The following MAP3K3 variants were observed in gnomAD, a reference collection of about 807,000 sequenced individuals.
MAP3K3 encodes the protein mitogen-activated protein kinase kinase kinase 3.
A neutral mutation model predicts 80.9 loss-of-function variants in MAP3K3; 12 were observed. The observed-to-expected ratio is 0.15, with a 90% CI of 0.10 to 0.24. The LOEUF is 0.24. Among genes scored for constraint, MAP3K3 ranks in the 10% least tolerant of loss-of-function variants. The probability of loss-of-function intolerance (pLI) is 1.00; values close to 1 mark genes in which losing one functional copy is unlikely to be tolerated. For missense variants in MAP3K3, 596 were observed against 834.7 expected, an observed-to-expected ratio of 0.71 and a Z score of 3.52; for synonymous variants, 272 against 307.1, an observed-to-expected ratio of 0.89 and a Z score of 1.19.
At chr17:63,687,154 T>C (rs557164690) in intron 8 of MAP3K3, among the ~76,000 whole-genome samples, 1 of 147,562 alleles carries the variant, frequency 6.8e-6, no homozygotes, top group African/African-American at 2.5e-5. Context: ...TCACCTGAGG[T>C]CAGGAGTTTG....
At chr17:63,686,910 T>C (rs1447860780) in intron 8 of MAP3K3, among the ~76,000 whole-genome samples, 1 of 152,172 alleles carries the variant, frequency 6.6e-6, no homozygotes, top group African/African-American at 2.4e-5. Context: ...CTAGATCCAG[T>C]CCCAGCTCCA....
intron 2 of MAP3K3, among the ~76,000 whole-genome samples, chr17:63,637,696 C>G (rs547371404): frequency 1.3e-5 from 2 of 152,280 alleles, no homozygotes; most frequent in Admixed American, 6.5e-5. Flanking sequence ...ATTATCATTA[C>G]TGTTTATCTG....
chr17:63,630,389 A>G lies in MAP3K3; in HGVS notation c.5-2292A>G, dbSNP rs1424929434. ...GTCGCCCAGGCTGAAGTACAGTGGC[A>G]TGATCATGGCTCACTGCAGCCTCAA... On this transcript the variant is annotated intron_variant, in intron 1 of 15. Coordinates refer to ENST00000361733, the MANE Select transcript of MAP3K3 (RefSeq NM_002401.5). 3.3e-5 allele frequency among the ~76,000 whole-genome samples: 5 copies of G among 152,166 alleles called. No homozygotes were observed. The East Asian group carries it at 9.6e-4, about 29-fold the overall frequency.
At chr17:63,650,683 AG>A (rs2034634303) in intron 3 of MAP3K3, among the ~76,000 whole-genome samples, 2 of 147,416 alleles carry the variant, frequency 1.4e-5, no homozygotes, top group African/African-American at 5.2e-5. Flanking sequence ...AGAGAGAGAG[AG>A]AGAGAGAGAG....
chr17:63,670,170 A>T (rs2035075578), intron 6 of MAP3K3, among the ~76,000 whole-genome samples: 1 of 152,134 alleles, frequency 6.6e-6, no homozygotes, highest in Admixed American at 6.6e-5. Context: ...AAAAAGACAC[A>T]GGCCCTGTCC....
chr17:63,626,727 T>C (rs1379984714), intron 1 of MAP3K3, among the ~76,000 whole-genome samples: 2 of 152,214 alleles, frequency 1.3e-5, no homozygotes, highest in African/African-American at 4.8e-5. Context: ...GTATGTGGAA[T>C]GTCATGAAGA....
chr17:63,644,981 T>C (rs964044420), intron 2 of MAP3K3, among the ~76,000 whole-genome samples: 1 of 152,250 alleles, frequency 6.6e-6, no homozygotes, highest in Non-Finnish European at 1.5e-5. Context: ...CCTGTCATTT[T>C]TTAAACTCCC....
Position 63,664,118 on chromosome 17 carries a change from G to A in MAP3K3, c.382-2822G>A, listed in dbSNP as rs183120032. On this transcript the variant is annotated intron_variant, in intron 5 of 15. Coordinates refer to ENST00000361733, the MANE Select transcript of MAP3K3 (RefSeq NM_002401.5). ...AAAAAATAGCCGGGCGTGGTAGCGG[G>A]CGCCTGTAGTCCCAGCTACTTGGGA... is the stretch of plus-strand genomic sequence containing the variant. Among the ~76,000 whole-genome samples the A allele has an allele frequency of 9.0e-3, 1,360 of 151,510 alleles. 4 individuals are homozygous for A. The highest frequency in any genetic ancestry group is 0.027 in the South Asian group (128 of 4,808).
chr17:63,677,138 A>G (rs868306529), intron 6 of MAP3K3, among the ~76,000 whole-genome samples: 1 of 152,256 alleles, frequency 6.6e-6, no homozygotes, highest in East Asian at 1.9e-4. Context: ...GAAAGAAATT[A>G]TGAGGTAGAT....
intron 6 of MAP3K3, among the ~76,000 whole-genome samples, chr17:63,675,543 A>G (rs1160938727): frequency 6.6e-6 from 1 of 152,184 alleles, no homozygotes; most frequent in African/African-American, 2.4e-5. Context: ...CGAGGGTGAG[A>G]GTGTATCTTT....
chr17:63,654,129 A>T (rs1405213064), intron 4 of MAP3K3, among the ~76,000 whole-genome samples: 2 of 152,264 alleles, frequency 1.3e-5, no homozygotes, highest in East Asian at 1.9e-4. Flanking sequence ...TCAGCCTCCC[A>T]AAGTGCTGGG....
chr17:63,675,123 A>G (rs73339425), intron 6 of MAP3K3, among the ~76,000 whole-genome samples: 2,574 of 152,278 alleles, frequency 0.017, 70 homozygotes, highest in African/African-American at 0.058. Context: ...AGCAGCTCCA[A>G]AATAAAATGG....
intron 7 of MAP3K3, 80 bp from the exon 8 acceptor site, chr17:63,685,437 C>A: frequency 1.8e-6 from 2 of 1,091,014 alleles, no homozygotes; most frequent in Non-Finnish European, 1.4e-6. Flanking sequence ...GGCCCATTTG[C>A]TGGCCCTTGC....
At chr17:63,641,958 C>T (rs2034451906) in intron 2 of MAP3K3, among the ~76,000 whole-genome samples, 1 of 152,304 alleles carries the variant, frequency 6.6e-6, no homozygotes, top group African/African-American at 2.4e-5. Flanking sequence ...GAGTTGGCCA[C>T]CCACCAGTGT....
intron 6 of MAP3K3, among the ~76,000 whole-genome samples, chr17:63,677,429 G>T (rs1407659335): frequency 3.3e-5 from 5 of 152,174 alleles, no homozygotes; most frequent in Admixed American, 6.5e-5. Context: ...GGGTTAAATA[G>T]TGCTCTCTCT....
intron 3 of MAP3K3, 24 bp downstream of exon 3, chr17:63,646,098 G>T (rs776394763): frequency 6.2e-7 from 1 of 1,611,908 alleles, no homozygotes; most frequent in Non-Finnish European, 8.5e-7. Flanking sequence ...CTGATGAGTA[G>T]CTGTGTTCAT....
intron 6 of MAP3K3, among the ~76,000 whole-genome samples, chr17:63,670,849 C>A (rs1598101560): frequency 1.3e-5 from 2 of 151,610 alleles, no homozygotes; most frequent in African/African-American, 4.9e-5. Flanking sequence ...AAGGGGAGGG[C>A]AGGATGAAGC....
At chr17:63,688,655 C>G in intron 9 of MAP3K3, 61 bp downstream of exon 9, 1 of 1,525,264 alleles carries the variant, frequency 6.6e-7, no homozygotes. Flanking sequence ...TCAGGTGGCT[C>G]TGCTTCGACT....
intron 5 of MAP3K3, among the ~76,000 whole-genome samples, chr17:63,658,993 C>T (rs1234142228): frequency 1.3e-5 from 2 of 152,164 alleles, no homozygotes; most frequent in African/African-American, 4.8e-5. Context: ...GCCTCGGACT[C>T]CCAAAGTGTT....
Sources: allele counts gnomAD v4.1 joint callset (sites outside exome capture counted in the v4.1 genomes callset), GRCh38; gene constraint gnomAD v4.1.1; transcripts MANE v1.5; gene names NCBI Gene and HGNC (gene_info 2026-07-23, HGNC 2026-07-21).